The following DENND2C variants were observed in gnomAD, a reference collection of about 807,000 sequenced individuals.
DENND2C encodes DENN domain-containing protein 2C.
DENND2C carries 72 observed loss-of-function variants against 112.4 expected under a neutral mutation model. The ratio of observed to expected loss-of-function variants is 0.64; its 90% confidence interval spans 0.53 to 0.78. The LOEUF is 0.78. DENND2C is among the 30% of genes least tolerant of loss of function. DENND2C has a pLI of 0.00. For missense variants in DENND2C, 992 were observed against 1,113.8 expected, an observed-to-expected ratio of 0.89 and a Z score of 1.56; for synonymous variants, 329 against 381.6, an observed-to-expected ratio of 0.86 and a Z score of 1.61.
intron 3 of DENND2C, among the ~76,000 whole-genome samples, chr1:114,642,596 TCTA>T (rs1656871892): frequency 6.6e-6 from 1 of 152,156 alleles, no homozygotes; most frequent in Admixed American, 6.5e-5. Context: ...CAGGCATAGC[TCTA>T]CTAACTTTAA....
At chr1:114,597,951 T>G (rs1655389379) in intron 16 of DENND2C, among the ~76,000 whole-genome samples, 1 of 152,122 alleles carries the variant, frequency 6.6e-6, no homozygotes, top group African/African-American at 2.4e-5. Flanking sequence ...ACCCACCAGA[T>G]AGGCTAAATT....
chr1:114,664,314 G>A (rs189197648), intron 1 of DENND2C, among the ~76,000 whole-genome samples: 2 of 152,122 alleles, frequency 1.3e-5, no homozygotes, highest in Admixed American at 1.3e-4. Flanking sequence ...TCGAAGCTTT[G>A]ATTGATTGTG....
chr1:114,653,573 G>C (rs1445127516), intron 2 of DENND2C, among the ~76,000 whole-genome samples: 1 of 152,142 alleles, frequency 6.6e-6, no homozygotes, highest in Admixed American at 6.5e-5. Context: ...GTACCAGTGA[G>C]AGAACTTGGG....
In DENND2C at chr1:114,625,614, A is replaced by G; in HGVS notation, c.371T>C (p.Ile124Thr). 1 of 1,614,068 alleles carries G rather than the reference A, an allele frequency of 6.2e-7. No individual in the cohort carries two copies. Among genetic ancestry groups the G allele is most frequent in the Non-Finnish European group, 8.5e-7 (1 of 1,180,010 alleles). The change falls in exon 4 of 21, where the codon ATT becomes ACT. Residue 124 changes from isoleucine (I) to threonine (T), a missense_variant. Coordinates refer to ENST00000393274, the MANE Select transcript of DENND2C (RefSeq NM_001256404.2). Reference protein sequence around the residue: ...SNWVCSRVKEIESCKEDVLDP... With the variant: ...SNWVCSRVKETESCKEDVLDP... The stretch of plus-strand genomic sequence containing the variant: ...TAAGACATCTTCTTTACAGCTTTCA[A>G]TTTCTTTGACCCGAGAACATACCCA...
Position 114,621,880 on chromosome 1 carries a change from C to T in DENND2C, c.1227+15G>A. 1 of 1,550,338 alleles carries T rather than the reference C, an allele frequency of 6.5e-7. No individual in the cohort carries two copies. The highest frequency in any genetic ancestry group is 8.7e-7 in the Non-Finnish European group (1 of 1,146,872). On this transcript the variant is annotated intron_variant, in intron 7 of 20. Coordinates refer to ENST00000393274, the MANE Select transcript of DENND2C (RefSeq NM_001256404.2). ...TGAAGTAAGAGTCAAAGAATGAAAG[C>T]ACTGGAGTCTTTACCCTTGGAAGAT... is the stretch of plus-strand genomic sequence containing the variant.
At chr1:114,638,414 A>G (rs1036729488) in intron 3 of DENND2C, among the ~76,000 whole-genome samples, 2 of 152,226 alleles carry the variant, frequency 1.3e-5, no homozygotes, top group Non-Finnish European at 2.9e-5. Flanking sequence ...GAATGGATAC[A>G]TTGGACTTCA....
chr1:114,603,693 G>A (rs137891931), intron 11 of DENND2C, among the ~76,000 whole-genome samples: 18 of 151,732 alleles, frequency 1.2e-4, no homozygotes, highest in Admixed American at 2.6e-4. Context: ...GCACACCACC[G>A]TGTCTGGCTA....
intron 3 of DENND2C, among the ~76,000 whole-genome samples, chr1:114,634,808 A>T (rs1656604095): frequency 6.6e-6 from 1 of 152,072 alleles, no homozygotes; most frequent in Admixed American, 6.6e-5. Context: ...CGAGCAGATC[A>T]TCTGAAGTTA....
chr1:114,597,254 G>A (rs1014950469), intron 16 of DENND2C, among the ~76,000 whole-genome samples: 1 of 151,828 alleles, frequency 6.6e-6, no homozygotes, highest in Non-Finnish European at 1.5e-5. Flanking sequence ...GACCAGCCTG[G>A]CCAACATGGT....
chr1:114,661,066 G>A (rs1204167255), intron 1 of DENND2C, among the ~76,000 whole-genome samples: 1 of 141,728 alleles, frequency 7.1e-6, no homozygotes, highest in African/African-American at 2.7e-5. Context: ...AGCCGGTATT[G>A]TGCCACTGTG....
intron 18 of DENND2C, among the ~76,000 whole-genome samples, chr1:114,591,058 C>T (rs1655175850): frequency 1.3e-5 from 2 of 152,024 alleles, no homozygotes; most frequent in South Asian, 2.1e-4. Flanking sequence ...CCTCAAATTC[C>T]TGGGCGCAAG....
chr1:114,655,176 A>G (rs1657273835), intron 1 of DENND2C, among the ~76,000 whole-genome samples: 1 of 152,244 alleles, frequency 6.6e-6, no homozygotes, highest in African/African-American at 2.4e-5. Flanking sequence ...ATTTGCACAC[A>G]GAAAACAGAG....
chr1:114,595,695 T>G, intron 17 of DENND2C, 137 bp downstream of exon 17: 1 of 739,208 alleles, frequency 1.4e-6, no homozygotes, highest in Non-Finnish European at 2.3e-6. Context: ...TTGGCCATGG[T>G]GTCAATTCAA....
intron 12 of DENND2C, 120 bp downstream of exon 12, chr1:114,602,005 C>T: frequency 1.1e-6 from 1 of 946,270 alleles, no homozygotes. Context: ...ATACAGCTTC[C>T]TTAATACACA....
At chr1:114,602,675 C>T (rs950371519) in intron 11 of DENND2C, among the ~76,000 whole-genome samples, 3 of 151,954 alleles carry the variant, frequency 2.0e-5, no homozygotes, top group African/African-American at 7.3e-5. Context: ...GTGATCCTCC[C>T]ACCTCAGCCT....
intron 3 of DENND2C, among the ~76,000 whole-genome samples, chr1:114,639,166 T>G (rs1017208617): frequency 2.0e-5 from 3 of 152,080 alleles, no homozygotes; most frequent in Non-Finnish European, 4.4e-5. Flanking sequence ...TGGCTAAAAT[T>G]TAAAAGAATG....
At chr1:114,667,792 G>A in intron 1 of DENND2C, among the ~76,000 whole-genome samples, 1 of 152,172 alleles carries the variant, frequency 6.6e-6, no homozygotes, top group African/African-American at 2.4e-5. Context: ...GAGAATGACT[G>A]ATTTGAATCC....
At chr1:114,593,302 C>T (rs1392609841) in intron 18 of DENND2C, among the ~76,000 whole-genome samples, 1 of 152,188 alleles carries the variant, frequency 6.6e-6, no homozygotes, top group African/African-American at 2.4e-5. Context: ...TATTTTCTAA[C>T]AATACTCACT....
intron 3 of DENND2C, among the ~76,000 whole-genome samples, chr1:114,642,446 G>A (rs1307279357): frequency 2.0e-5 from 3 of 152,118 alleles, no homozygotes; most frequent in Non-Finnish European, 2.9e-5. Flanking sequence ...TAGAATGTTC[G>A]AGTTAGAATT....
Sources: allele counts gnomAD v4.1 joint callset (sites outside exome capture counted in the v4.1 genomes callset), GRCh38; gene constraint gnomAD v4.1.1; transcripts MANE v1.5; gene names NCBI Gene and HGNC (gene_info 2026-07-23, HGNC 2026-07-21).